ELFN1: variants seen among roughly 807,000 people sequenced by gnomAD.
ELFN1 encodes protein ELFN1.
ELFN1 carries 6 observed loss-of-function variants against 7.6 expected under a neutral mutation model. That is an observed-to-expected ratio of 0.79 (90% CI 0.43 to 1.56). ELFN1 has a LOEUF of 1.56. Ranked by LOEUF, ELFN1 falls within the 40% of genes most tolerant of loss-of-function variation. The pLI is 0.01. For synonymous variants in ELFN1, 657 were observed against 588.1 expected, an observed-to-expected ratio of 1.12 and a Z score of -1.70; for missense variants, 1,169 against 1,232.2, an observed-to-expected ratio of 0.95 and a Z score of 0.77.
intron 2 of ELFN1, chr7:1,693,198 G>A: frequency 2.6e-6 from 1 of 390,628 alleles, no homozygotes; most frequent in Non-Finnish European, 5.4e-6. Flanking sequence ...GTAGTGGGCA[G>A]TGCAGGCCCT....
intron 1 of ELFN1, among the ~76,000 whole-genome samples, chr7:1,686,047 G>A (rs1194034912): frequency 4.2e-5 from 6 of 143,542 alleles, no homozygotes; most frequent in Non-Finnish European, 9.0e-5. Flanking sequence ...ACTCAGTGAC[G>A]GTTTCCATTG....
upstream of ELFN1, among the ~76,000 whole-genome samples, chr7:1,670,107 G>A (rs1778733158): frequency 6.6e-6 from 1 of 150,426 alleles, no homozygotes; most frequent in South Asian, 2.1e-4. This position sits in a 1 kb window ranked among gnomAD's most constrained non-coding sequence, Gnocchi z 6.4. Flanking sequence ...GGAAGAGGGG[G>A]TGGAAGGGAG....
At position 1,745,866 on chromosome 7, in the gene ELFN1, G is replaced by A. The variant is rs1286355630; in HGVS notation, c.1270G>A (p.Gly424Ser). Residue 424 changes from glycine (G) to serine (S), a missense_variant, in exon 4 of 4, where the codon GGC becomes AGC. Gly to Ser is a moderately conservative substitution (Grantham distance 56). Around this residue, in one of 2 missense-constraint regions of ELFN1, gnomAD observed 914 missense variants for 872.6 expected, o/e 1.05. Transcript: ENST00000424383. ...TATHYIMTIL[G>S]CLFGMVLVLG... ...CACCCACTACATCATGACCATCCTG[G>A]GCTGCCTCTTCGGCATGGTGCTGGT... 1 of 1,592,382 alleles carries A rather than the reference G, an allele frequency of 6.3e-7. No individual in the cohort carries two copies. The highest frequency in any genetic ancestry group is 8.5e-7 in the Non-Finnish European group (1 of 1,170,850).
intron 1 of ELFN1, among the ~76,000 whole-genome samples, chr7:1,679,071 A>C: frequency 6.6e-6 from 1 of 151,976 alleles, no homozygotes; most frequent in East Asian, 1.9e-4. Flanking sequence ...CACACTAATG[A>C]TTATGCCCGT....
upstream of ELFN1, among the ~76,000 whole-genome samples, chr7:1,668,315 TCC>T (rs1392942898): frequency 2.6e-5 from 4 of 152,186 alleles, no homozygotes; most frequent in East Asian, 7.7e-4. Flanking sequence ...CTGGCGCGGC[TCC>T]TCCGGGCAGG....
upstream of ELFN1, among the ~76,000 whole-genome samples, chr7:1,669,973 G>T (rs1778730679): frequency 6.9e-6 from 1 of 144,702 alleles, no homozygotes; most frequent in Non-Finnish European, 1.5e-5. Context: ...TCCTTCCCCA[G>T]CCCCTGCGCG....
At position 1,739,830 on chromosome 7, in the gene ELFN1, TG is replaced by T. The variant is rs898134299; in HGVS notation, c.-293-4470del. Among the ~76,000 whole-genome samples the T allele has an allele frequency of 1.3e-5, 2 of 151,006 alleles. No homozygotes were observed. Among genetic ancestry groups the T allele is most frequent in the Non-Finnish European group, 3.0e-5 (2 of 67,722 alleles). On this transcript the variant is annotated intron_variant, in intron 3 of 3. Coordinates refer to ENST00000424383, the MANE Select transcript of ELFN1 (RefSeq NM_001128636.4). This position sits in a 1 kb window ranked among gnomAD's most constrained non-coding sequence, Gnocchi z 4.6. ...AGAGGGCCCGAGGGGGGACGCCCGG[TG>T]GGGCGGGGCTGAGGATGGAAGAGGA...
rs144416632 is a variant in ELFN1, at chr7:1,721,890, C to T, written c.-294+12638C>T. 2.3e-3 allele frequency among the ~76,000 whole-genome samples: 343 copies of T among 152,332 alleles called. 1 individual carries two copies. The highest frequency in any genetic ancestry group is 3.8e-3 in the Non-Finnish European group (260 of 68,026). On this transcript the variant is annotated intron_variant, in intron 3 of 3. Coordinates refer to ENST00000424383, the MANE Select transcript of ELFN1 (RefSeq NM_001128636.4). ...ACACTCCCTTCCCCTCTCTGGTCTT[C>T]AGTGATTGTATCTGTGCCATGGGAG...
intron 3 of ELFN1, among the ~76,000 whole-genome samples, chr7:1,720,763 C>G (rs1214583196): frequency 7.2e-6 from 1 of 139,544 alleles, no homozygotes; most frequent in African/African-American, 2.6e-5. Flanking sequence ...ACTTGGATCT[C>G]TCTTCCACAG....
chr7:1,721,153 C>T (rs987009148), intron 3 of ELFN1, among the ~76,000 whole-genome samples: 10 of 152,222 alleles, frequency 6.6e-5, no homozygotes, highest in African/African-American at 2.4e-4. Flanking sequence ...AGCTGAGAGG[C>T]ACAGAAAGAT....
rs185108735 is a variant in ELFN1, at chr7:1,671,534, G to T, written c.-549+1180G>T. The stretch of plus-strand genomic sequence containing the variant: ...GCTGTGGAGGGACCGGGAGCCAGGA[G>T]CAGATGTAAATGGCAAATCTCCCCA... On this transcript the variant is annotated intron_variant, in intron 1 of 3. Transcript: ENST00000424383. Among the ~76,000 whole-genome samples the T allele has an allele frequency of 1.3e-4, 20 of 152,348 alleles. No individual in the cohort carries two copies. The East Asian group carries it at 3.3e-3, about 25-fold the overall frequency.
At chr7:1,681,358 A>G (rs922251502) in intron 1 of ELFN1, among the ~76,000 whole-genome samples, 2 of 152,026 alleles carry the variant, frequency 1.3e-5, no homozygotes, top group Non-Finnish European at 2.9e-5. Context: ...GTCAGTTCAT[A>G]TTGTAAAATT....
intron 2 of ELFN1, among the ~76,000 whole-genome samples, chr7:1,706,738 C>A (rs1779538307): frequency 6.6e-6 from 1 of 152,248 alleles, no homozygotes; most frequent in East Asian, 1.9e-4. Context: ...AGAGAGACCA[C>A]CCTCCAGGCC....
chr7:1,746,544 C>T lies in ELFN1; in HGVS notation c.1948C>T (p.Arg650Cys), dbSNP rs1034427287. Residue 650 changes from arginine (R) to cysteine (C), a missense_variant, in exon 4 of 4, where the codon CGC becomes TGC. Arg to Cys is a radical substitution (Grantham distance 180). Coordinates refer to ENST00000424383, the MANE Select transcript of ELFN1 (RefSeq NM_001128636.4). Reference sequence around the variant, plus strand: ...GTCCAGCGGCTCCGTGCGCAGCCCCCGCGCCTTCCGAGCCGAGGCCGTCGG... The same window carrying T: ...GTCCAGCGGCTCCGTGCGCAGCCCCTGCGCCTTCCGAGCCGAGGCCGTCGG... Reference protein sequence around the residue: ...TSSSGSVRSPRAFRAEAVGVH... With the variant: ...TSSSGSVRSPCAFRAEAVGVH... The T allele has an allele frequency of 1.7e-5, 23 of 1,381,608 alleles. No homozygotes were observed. Among genetic ancestry groups the T allele is most frequent in the East Asian group, 6.2e-5 (2 of 32,158 alleles). 85.6% of individuals were successfully genotyped at this position (1,381,608 alleles called of 1,614,324 possible). A position where few individuals can be genotyped will look rare whatever the true frequency, so the allele number is the denominator to read the frequency against.
At chr7:1,668,746 A>T (rs553937451), upstream of ELFN1, among the ~76,000 whole-genome samples, 1 of 152,356 alleles carries the variant, frequency 6.6e-6, no homozygotes, top group Non-Finnish European at 1.5e-5. Context: ...TGGGTAAACA[A>T]GGACCTGCTC....
At position 1,703,904 on chromosome 7, in the gene ELFN1, G is replaced by A. The variant is rs549864558; in HGVS notation, c.-455-5187G>A. Reference sequence around the variant, plus strand: ...TGACACCTGTCCTGTAAGGGCTGTCGCCGGACTGTGTGCTGGGGGGTTTGT... The same window carrying A: ...TGACACCTGTCCTGTAAGGGCTGTCACCGGACTGTGTGCTGGGGGGTTTGT... On this transcript the variant is annotated intron_variant, in intron 2 of 3. Transcript: ENST00000424383. Among the ~76,000 whole-genome samples the A allele has an allele frequency of 1.7e-3, 262 of 152,304 alleles. 1 individual carries two copies. The highest frequency in any genetic ancestry group is 6.8e-3 in the Middle Eastern group (2 of 294).
chr7:1,711,575 T>TGAGAGAGAGAGAGAGAGA (rs55658122), intron 3 of ELFN1, among the ~76,000 whole-genome samples: 1 of 87,544 alleles, frequency 1.1e-5, no homozygotes, highest in Non-Finnish European at 2.2e-5. Context: ...AGCGAGAGAG[T>TGAGAGAGAGAGAGAGAGA]GAGAGAGAGA....
Position 1,670,774 on chromosome 7 carries a change from C to G in ELFN1, c.-549+420C>G, listed in dbSNP as rs1297233925. 6.6e-6 allele frequency among the ~76,000 whole-genome samples: 1 copy of G among 152,166 alleles called. No homozygotes were observed. Among genetic ancestry groups the G allele is most frequent in the Non-Finnish European group, 1.5e-5 (1 of 68,026 alleles). The stretch of plus-strand genomic sequence containing the variant: ...TAGGGGGCTGTCCTCACCTCCTGGC[C>G]GAGTCGCTGACCCCTCCCCAGGCTC... On this transcript the variant is annotated intron_variant, in intron 1 of 3. Transcript: ENST00000424383. This position sits in a 1 kb window ranked among gnomAD's most constrained non-coding sequence, Gnocchi z 6.4.
intron 2 of ELFN1, among the ~76,000 whole-genome samples, chr7:1,707,028 T>A (rs1402338224): frequency 6.6e-6 from 1 of 152,196 alleles, no homozygotes; most frequent in East Asian, 1.9e-4. Flanking sequence ...CGTGTACACA[T>A]GTGTGCACGC....
Sources: gnomAD v4.1 joint callset for allele counts (sites outside exome capture counted in the v4.1 genomes callset) on GRCh38, gnomAD v4.1.1 for gene constraint, gnomAD v4.1.1 regional missense constraint, Gnocchi (gnomAD v3.1) non-coding constraint, MANE v1.5 for transcripts, NCBI Gene and HGNC (gene_info 2026-07-23, HGNC 2026-07-21) for gene names.